Variants in EPHA5 observed in about 807,000 individuals in gnomAD.
EPHA5 encodes ephrin type-A receptor 5.
EPHA5 carries 60 observed loss-of-function variants against 105.0 expected under a neutral mutation model. That is an observed-to-expected ratio of 0.57 (90% CI 0.46 to 0.71). The LOEUF is 0.71. EPHA5 is among the 30% of genes least tolerant of loss of function. EPHA5 has a pLI of 0.00. For missense variants in EPHA5, 1,218 were observed against 1,274.7 expected (o/e 0.96, Z 0.68); for synonymous variants, 513 against 449.1 (o/e 1.14, Z -1.80).
intron 3 of EPHA5, among the ~76,000 whole-genome samples, chr4:65,594,872 A>T (rs1276169349): frequency 6.6e-6 from 1 of 152,184 alleles, no homozygotes; most frequent in East Asian, 1.9e-4. Flanking sequence ...TTGACCCTAG[A>T]TATTTATTAG....
rs187546820 is a variant in EPHA5 at position 65,378,988 on chromosome 4, C to A, written c.1794-11564G>T. 4.3e-3 allele frequency among the ~76,000 whole-genome samples: 649 copies of A among 151,862 alleles called. 6 individuals are homozygous for A. The highest frequency in any genetic ancestry group is 5.9e-3 in the Non-Finnish European group (399 of 67,878). On this transcript the variant is annotated intron_variant, in intron 8 of 16. Transcript: ENST00000613740. ...AAAATGAACAATTACTGGTTGTTAA[C>A]AAATGTATCCAATTGTTTGTTAATG...
intron 11 of EPHA5, among the ~76,000 whole-genome samples, chr4:65,356,216 T>C (rs1037515856): frequency 3.3e-5 from 5 of 151,572 alleles, no homozygotes; most frequent in African/African-American, 1.2e-4. Context: ...TTCTTTCTTC[T>C]TTCTTTTGTA....
At chr4:65,332,506 C>G (rs1314386376) in intron 15 of EPHA5, among the ~76,000 whole-genome samples, 3 of 150,870 alleles carry the variant, frequency 2.0e-5, no homozygotes, top group Non-Finnish European at 4.4e-5. Context: ...GTAAAATGTA[C>G]ACAACCAACA....
At chr4:65,469,914 A>T (rs1729122893) in intron 5 of EPHA5, among the ~76,000 whole-genome samples, 1 of 152,180 alleles carries the variant, frequency 6.6e-6, no homozygotes, top group Non-Finnish European at 1.5e-5. Context: ...TTGTTAGAAG[A>T]TAAATAAAAT....
intron 3 of EPHA5, among the ~76,000 whole-genome samples, chr4:65,551,944 T>A (rs1737961399): frequency 1.3e-5 from 2 of 152,164 alleles, no homozygotes. Flanking sequence ...TTTTGGTAAT[T>A]TTTTTCCTCC....
intron 5 of EPHA5, among the ~76,000 whole-genome samples, chr4:65,421,312 G>A (rs1723925537): frequency 6.6e-6 from 1 of 151,972 alleles, no homozygotes; most frequent in Non-Finnish European, 1.5e-5. Context: ...TTATCAATCT[G>A]CTGATATATG....
At chr4:65,406,656 T>G (rs1313298578) in intron 7 of EPHA5, among the ~76,000 whole-genome samples, 6 of 152,148 alleles carry the variant, frequency 3.9e-5, no homozygotes, top group Non-Finnish European at 5.9e-5. Context: ...TGGTGTCAAT[T>G]AACAACTCTC....
chr4:65,484,827 T>A (rs1730721018), intron 5 of EPHA5, among the ~76,000 whole-genome samples: 1 of 151,918 alleles, frequency 6.6e-6, no homozygotes, highest in Non-Finnish European at 1.5e-5. Context: ...TGTAAAAAGA[T>A]AAAGAAATTT....
intron 3 of EPHA5, among the ~76,000 whole-genome samples, chr4:65,582,331 T>G (rs1013754748): frequency 3.3e-5 from 5 of 151,616 alleles, no homozygotes; most frequent in Admixed American, 6.6e-5. Flanking sequence ...CCATTTTAAA[T>G]TTTAGATCTG....
chr4:65,324,942 A>G (rs1209284318), intron 16 of EPHA5, among the ~76,000 whole-genome samples: 1 of 151,326 alleles, frequency 6.6e-6, no homozygotes, highest in Non-Finnish European at 1.5e-5. Context: ...TTTCTAAACT[A>G]ACAACATATT....
intron 5 of EPHA5, among the ~76,000 whole-genome samples, chr4:65,478,409 A>G (rs1730038014): frequency 6.6e-6 from 1 of 152,242 alleles, no homozygotes; most frequent in African/African-American, 2.4e-5. Flanking sequence ...GATGAAAATC[A>G]AATTACAAAT....
chr4:65,558,192 G>A (rs377393972), intron 3 of EPHA5, among the ~76,000 whole-genome samples: 5 of 151,952 alleles, frequency 3.3e-5, no homozygotes, highest in Non-Finnish European at 5.9e-5. Context: ...TTCTTAATCT[G>A]TAGTACTCAG....
In EPHA5 at chr4:65,320,608, T is replaced by C. The variant is rs776184895; in HGVS notation, c.*3506A>G. 9 of 229,890 alleles carry C rather than the reference T, an allele frequency of 3.9e-5. No individual in the cohort carries two copies. The highest frequency in any genetic ancestry group is 6.0e-5 in the Non-Finnish European group (7 of 115,932). 14.2% of individuals were successfully genotyped at this position (229,890 alleles called of 1,614,324 possible). A position where few individuals can be genotyped will look rare whatever the true frequency, so the allele number is the denominator to read the frequency against. ...AGAAGGTAAATATCTGTGCTTGTGC[T>C]TCTGAGAACCCACTTTACATGGCAT... On this transcript the variant is annotated 3_prime_UTR_variant, in exon 17 of 17. Transcript: ENST00000613740.
rs997875779 is a variant in EPHA5 at position 65,320,304 on chromosome 4, C to T, written c.*3810G>A. On this transcript the variant is annotated 3_prime_UTR_variant, in exon 17 of 17. Transcript: ENST00000613740. ...ACTTATTAATGTCAAATAAAGCTAG[C>T]ATTTTGATTCCATTTATTCTTCATC... 17 of 229,858 alleles carry T rather than the reference C, an allele frequency of 7.4e-5. 1 individual carries two copies. The highest frequency in any genetic ancestry group is 6.3e-4 in the Admixed American group (11 of 17,582). The allele number at this position is 229,858 out of a possible 1,614,324, so 14.2% of individuals were successfully genotyped here. A position where few individuals can be genotyped will look rare whatever the true frequency, so the allele number is the denominator to read the frequency against.
intron 3 of EPHA5, among the ~76,000 whole-genome samples, chr4:65,547,700 G>C (rs146787659): frequency 2.9e-3 from 443 of 152,142 alleles, no homozygotes; most frequent in African/African-American, 0.01. Flanking sequence ...AGTATTTGTT[G>C]ATTCTCAAAA....
At chr4:65,411,865 C>T (rs1208987914) in intron 7 of EPHA5, among the ~76,000 whole-genome samples, 1 of 152,042 alleles carries the variant, frequency 6.6e-6, no homozygotes, top group African/African-American at 2.4e-5. Context: ...ATTTGAGTCA[C>T]TTACAGCATC....
At chr4:65,352,126 A>C (rs753419247) in intron 12 of EPHA5, among the ~76,000 whole-genome samples, 1 of 152,040 alleles carries the variant, frequency 6.6e-6, no homozygotes, top group Non-Finnish European at 1.5e-5. Context: ...AGTTACATTA[A>C]CTCATAAGGC....
rs141766175 is a variant in EPHA5 at position 65,492,863 on chromosome 4, A to G, written c.1067-2151T>C. Among the ~76,000 whole-genome samples, 31 of 152,292 alleles carry G rather than the reference A, an allele frequency of 2.0e-4. No individual in the cohort carries two copies. In the East Asian group the frequency reaches 5.6e-3, roughly 28 times the overall value. ...GGAAATACACGTGTTCTTGTTTACT[A>G]TAAACTTTAGCTTATTTAATAGTAC... On this transcript the variant is annotated intron_variant, in intron 4 of 16. Coordinates refer to ENST00000613740, the MANE Select transcript of EPHA5 (RefSeq NM_001281766.3).
intron 2 of EPHA5, among the ~76,000 whole-genome samples, chr4:65,640,390 A>T (rs1223684535): frequency 6.9e-6 from 1 of 144,786 alleles, no homozygotes; most frequent in Admixed American, 7.3e-5. Flanking sequence ...GGTTCAAGCC[A>T]TTCTCCTGCC....
Sources: gnomAD v4.1 joint callset for allele counts (sites outside exome capture counted in the v4.1 genomes callset) on GRCh38, gnomAD v4.1.1 for gene constraint, MANE v1.5 for transcripts, NCBI Gene and HGNC (gene_info 2026-07-23, HGNC 2026-07-21) for gene names.